Variants in C4orf51 observed in about 807,000 individuals in gnomAD.
C4orf51 encodes uncharacterized protein C4orf51.
Under a neutral mutation model 25.2 loss-of-function variants are expected in C4orf51, and 25 were observed. The observed-to-expected ratio is 0.99, with a 90% confidence interval of 0.72 to 1.39. The LOEUF (loss-of-function observed/expected upper bound fraction) is 1.39. Among genes scored for constraint, C4orf51 ranks in the 40% most tolerant of loss-of-function variants. The pLI, the probability that C4orf51 is intolerant of heterozygous loss-of-function variation, is 0.00. For missense variants in C4orf51, 252 were observed against 239.6 expected (o/e 1.05, Z -0.34); for synonymous variants, 100 against 84.5 (o/e 1.18, Z -1.01).
At chr4:145,722,109 CT>C (rs1437365757) in intron 2 of C4orf51, among the ~76,000 whole-genome samples, 3 of 152,056 alleles carry the variant, frequency 2.0e-5, no homozygotes, top group Non-Finnish European at 4.4e-5. Flanking sequence ...AATGGACTGC[CT>C]TATTCTTTTG....
intron 4 of C4orf51, among the ~76,000 whole-genome samples, 160 bp downstream of exon 4, chr4:145,729,389 C>G (rs1181276478): frequency 6.9e-6 from 1 of 145,838 alleles, no homozygotes; most frequent in East Asian, 2.1e-4. Context: ...GCAAGCTCTG[C>G]CTCCCACGTT....
chr4:145,711,384 C>T (rs1375347858), intron 2 of C4orf51, among the ~76,000 whole-genome samples: 1 of 152,220 alleles, frequency 6.6e-6, no homozygotes, highest in East Asian at 1.9e-4. Context: ...ATGGAAAAGT[C>T]ACCTTTGGGT....
intron 4 of C4orf51, among the ~76,000 whole-genome samples, chr4:145,729,449 C>T (rs949151259): frequency 3.3e-5 from 5 of 151,822 alleles, no homozygotes; most frequent in Admixed American, 6.6e-5. Context: ...CTACCGGCGC[C>T]CGCCACCACA....
intron 1 of C4orf51, among the ~76,000 whole-genome samples, chr4:145,687,002 T>TG (rs138977901): frequency 0.18 from 22,200 of 122,354 alleles, 1,752 homozygotes; most frequent in East Asian, 0.3. Context: ...TTGGATCTTG[T>TG]GGGGGGGGCG....
intron 1 of C4orf51, among the ~76,000 whole-genome samples, chr4:145,683,715 A>C (rs1183893656): frequency 6.6e-6 from 1 of 152,250 alleles, no homozygotes; most frequent in Non-Finnish European, 1.5e-5. Context: ...TAACTAAGAC[A>C]CAGACCTTAT....
the C4orf51 span, among the ~76,000 whole-genome samples, chr4:145,791,605 T>C: frequency 6.6e-6 from 1 of 152,222 alleles, no homozygotes; most frequent in South Asian, 2.1e-4. Flanking sequence ...CCATCTCTAT[T>C]ATATCATTCT....
chr4:145,712,679 GA>G (rs1240270454), intron 2 of C4orf51, among the ~76,000 whole-genome samples: 1 of 152,246 alleles, frequency 6.6e-6, no homozygotes, highest in African/African-American at 2.4e-5. Flanking sequence ...TGCTGAGGTA[GA>G]AGCTGCAACA....
chr4:145,768,132 T>A (rs1179774152), intron 1 of C4orf51, among the ~76,000 whole-genome samples: 1 of 152,230 alleles, frequency 6.6e-6, no homozygotes, highest in African/African-American at 2.4e-5. Context: ...AGTGGTTTAA[T>A]CAATCATTTG....
chr4:145,695,999 A>G (rs898019014), intron 1 of C4orf51, among the ~76,000 whole-genome samples: 1 of 152,242 alleles, frequency 6.6e-6, no homozygotes, highest in African/African-American at 2.4e-5. Flanking sequence ...CAACATGGCC[A>G]GGCGCAGTGG....
At chr4:145,751,096 C>A (rs1733647827) in intron 1 of C4orf51, among the ~76,000 whole-genome samples, 1 of 152,116 alleles carries the variant, frequency 6.6e-6, no homozygotes, top group African/African-American at 2.4e-5. Flanking sequence ...ATGTTGAATT[C>A]TTTGCCTTCA....
chr4:145,680,531 CA>C (rs757744363), intron 1 of C4orf51, 95 bp downstream of exon 1: 2 of 858,900 alleles, frequency 2.3e-6, no homozygotes. Flanking sequence ...TGAGAGACTT[CA>C]TAGACTTTAA....
At chr4:145,744,770 G>A (rs903800117) in intron 1 of C4orf51, among the ~76,000 whole-genome samples, 4 of 151,734 alleles carry the variant, frequency 2.6e-5, no homozygotes, top group Non-Finnish European at 5.9e-5. Context: ...AGAGAATGGC[G>A]TGAACCCAGT....
At position 145,764,777 on chromosome 4, in the gene C4orf51, A is replaced by C. The variant is rs1403896656; in HGVS notation, n.167-6211A>C. On this transcript the variant is annotated intron_variant and non_coding_transcript_variant, in intron 1 of 1. Transcript: ENST00000510096. ...CCCTGAATCCCGGGGTATTTGCAAAATGGATTCTCCTACTGACATCTGTTG... is the reference window on the plus strand; with the variant it reads ...CCCTGAATCCCGGGGTATTTGCAAACTGGATTCTCCTACTGACATCTGTTG... 7.2e-5 allele frequency: 45 copies of C among 621,046 alleles called. No homozygotes were observed. In the Admixed American group the frequency reaches 1.3e-3, roughly 18 times the overall value. 38.5% of individuals were successfully genotyped at this position (621,046 alleles called of 1,614,324 possible). A position where few individuals can be genotyped will look rare whatever the true frequency, so the allele number is the denominator to read the frequency against.
chr4:145,728,015 A>G (rs1343781550), intron 3 of C4orf51, among the ~76,000 whole-genome samples: 4 of 126,988 alleles, frequency 3.1e-5, no homozygotes, highest in East Asian at 2.1e-4. Context: ...TAATGTGTGT[A>G]TATATAATAT....
the C4orf51 span, among the ~76,000 whole-genome samples, chr4:145,780,551 T>TA: frequency 6.6e-6 from 1 of 152,238 alleles, no homozygotes; most frequent in African/African-American, 2.4e-5. Context: ...AAAGAGTTTT[T>TA]ATTTTCTCAT....
chr4:145,716,913 G>A (rs1380595568), intron 2 of C4orf51, among the ~76,000 whole-genome samples: 1 of 152,180 alleles, frequency 6.6e-6, no homozygotes, highest in Non-Finnish European at 1.5e-5. Flanking sequence ...AAAATCAGGA[G>A]ACTTTCTTTC....
At chr4:145,730,268 T>C (rs984947218) in intron 5 of C4orf51, among the ~76,000 whole-genome samples, 2 of 152,208 alleles carry the variant, frequency 1.3e-5, no homozygotes, top group Non-Finnish European at 2.9e-5. Context: ...ATCGGTGAGT[T>C]GTTGGGTTCT....
chr4:145,771,738 G>A (rs1340678860), downstream of C4orf51, among the ~76,000 whole-genome samples: 2 of 152,180 alleles, frequency 1.3e-5, no homozygotes, highest in Non-Finnish European at 2.9e-5. Context: ...GAGAAAGCAT[G>A]GGTTCTGTAG....
At chr4:145,715,419 A>G (rs1051857073) in intron 2 of C4orf51, among the ~76,000 whole-genome samples, 2 of 151,950 alleles carry the variant, frequency 1.3e-5, no homozygotes, top group African/African-American at 4.8e-5. Context: ...CCAGGCACTC[A>G]CTCACTATTC....
Sources: gnomAD v4.1 joint callset for allele counts (sites outside exome capture counted in the v4.1 genomes callset) on GRCh38, gnomAD v4.1.1 for gene constraint, MANE v1.5 for transcripts, NCBI Gene and HGNC (gene_info 2026-07-23, HGNC 2026-07-21) for gene names.